ANO2: variants seen among roughly 807,000 people sequenced by gnomAD.
ANO2 encodes anoctamin-2.
In ANO2, 101 loss-of-function variants were observed where a neutral mutation model predicts 124.2. The ratio of observed to expected loss-of-function variants is 0.81; its 90% CI spans 0.69 to 0.96. The LOEUF (loss-of-function observed/expected upper bound fraction) is 0.96. Ranked by LOEUF, ANO2 falls within the 40% of genes least tolerant of loss-of-function variation. The pLI, the probability that ANO2 is intolerant of heterozygous loss-of-function variation, is 0.00. For missense variants in ANO2, 1,293 were observed against 1,274.5 expected (o/e 1.01, Z -0.22); for synonymous variants, 486 against 482.5 (o/e 1.01, Z -0.09).
At chr12:5,933,077 A>G (rs1331153478) in intron 1 of ANO2, among the ~76,000 whole-genome samples, 1 of 152,130 alleles carries the variant, frequency 6.6e-6, no homozygotes, top group East Asian at 1.9e-4. Context: ...AGTCCCCACA[A>G]GGGGCCAGCT....
intron 14 of ANO2, among the ~76,000 whole-genome samples, chr12:5,666,352 A>C (rs1473706103): frequency 6.6e-6 from 1 of 152,112 alleles, no homozygotes; most frequent in African/African-American, 2.4e-5. Context: ...GACAGAAGGG[A>C]AGGAACGAGA....
intron 14 of ANO2, among the ~76,000 whole-genome samples, chr12:5,718,841 G>C (rs1224892330): frequency 2.0e-5 from 3 of 152,130 alleles, no homozygotes; most frequent in Middle Eastern, 3.2e-3. Context: ...TTACTTGCTG[G>C]ACTGCCCTTC....
chr12:5,737,040 A>G (rs1051027568), intron 13 of ANO2, among the ~76,000 whole-genome samples: 1 of 152,160 alleles, frequency 6.6e-6, no homozygotes, highest in African/African-American at 2.4e-5. Flanking sequence ...CAGACACTAC[A>G]CCTGAGATAA....
intron 16 of ANO2, among the ~76,000 whole-genome samples, 156 bp downstream of exon 16, chr12:5,634,996 A>G (rs949874724): frequency 3.1e-4 from 47 of 152,188 alleles, no homozygotes; most frequent in Non-Finnish European, 6.3e-4. Context: ...CAGCCCTACA[A>G]ATACACACAC....
intron 10 of ANO2, among the ~76,000 whole-genome samples, chr12:5,768,381 G>C (rs1951962688): frequency 6.6e-6 from 1 of 152,178 alleles, no homozygotes; most frequent in South Asian, 2.1e-4. Flanking sequence ...GGGAGTGTTT[G>C]TCTTCTCTTC....
chr12:5,758,081 A>G (rs1423162847), intron 10 of ANO2, among the ~76,000 whole-genome samples: 2 of 152,194 alleles, frequency 1.3e-5, no homozygotes, highest in Admixed American at 1.3e-4. Flanking sequence ...ATTCAAATCG[A>G]AAGCCTTAAA....
intron 12 of ANO2, 65 bp from the exon 13 acceptor site, chr12:5,739,464 G>A (rs1313259918): frequency 5.0e-6 from 7 of 1,387,240 alleles, no homozygotes; most frequent in African/African-American, 1.5e-5. Flanking sequence ...GTACCCTTTG[G>A]GCTCACCAGT....
intron 11 of ANO2, among the ~76,000 whole-genome samples, chr12:5,749,346 C>T (rs1951371126): frequency 6.6e-6 from 1 of 152,192 alleles, no homozygotes; most frequent in Non-Finnish European, 1.5e-5. Context: ...TGAATTGGCC[C>T]GGGGCCTCCA....
intron 19 of ANO2, among the ~76,000 whole-genome samples, chr12:5,607,099 A>ATATG (rs1944259533): frequency 6.6e-6 from 1 of 151,728 alleles, no homozygotes; most frequent in Admixed American, 6.6e-5. Flanking sequence ...TTTAAAATGA[A>ATATG]TATGTACCTC....
chr12:5,716,001 T>C (rs1950010374), intron 14 of ANO2, among the ~76,000 whole-genome samples: 1 of 152,212 alleles, frequency 6.6e-6, no homozygotes, highest in South Asian at 2.1e-4. Flanking sequence ...CTTCCTATGT[T>C]CTGAGACTAA....
chr12:5,647,584 G>T, intron 15 of ANO2, 143 bp downstream of exon 15: 1 of 722,812 alleles, frequency 1.4e-6, no homozygotes, highest in Non-Finnish European at 2.4e-6. Flanking sequence ...TATCAGACAA[G>T]ATCCTGCCCC....
intron 17 of ANO2, among the ~76,000 whole-genome samples, 186 bp from the exon 18 acceptor site, chr12:5,613,144 G>C (rs1443957779): frequency 1.3e-5 from 2 of 152,094 alleles, no homozygotes; most frequent in African/African-American, 4.8e-5. Context: ...ATAACACCTG[G>C]GGTTCACTTC....
intron 14 of ANO2, among the ~76,000 whole-genome samples, chr12:5,693,585 T>G (rs1949034775): frequency 6.6e-6 from 1 of 152,140 alleles, no homozygotes; most frequent in South Asian, 2.1e-4. Context: ...GGTCTTCTGC[T>G]CAGAGCCCTG....
At chr12:5,888,462 A>G (rs1370064542) in intron 3 of ANO2, among the ~76,000 whole-genome samples, 1 of 152,154 alleles carries the variant, frequency 6.6e-6, no homozygotes, top group Non-Finnish European at 1.5e-5. Flanking sequence ...CCCCACCCAC[A>G]TCCTGCTGAT....
Position 5,565,639 on chromosome 12 carries a change from T to G in ANO2, c.2646A>C (p.Pro882=). 6.2e-7 allele frequency: 1 copy of G among 1,602,930 alleles called. No homozygotes were observed. Residue 882 remains proline, a synonymous_variant, in exon 24 of 25, where the codon CCA becomes CCC. Coordinates refer to ENST00000682330, the MANE Select transcript of ANO2 (RefSeq NM_001364791.2). ...FCRFKDYREP[P]WAPNPYEFSK... ...AAAACTCATAAGGGTTCGGGGCCCA[T>G]GGCGGCTCTCGGTAATCCTTAAACC...
chr12:5,785,000 CT>C (rs1460676622), intron 10 of ANO2, among the ~76,000 whole-genome samples: 2 of 152,198 alleles, frequency 1.3e-5, no homozygotes, highest in African/African-American at 4.8e-5. Context: ...CAGGGCTGCT[CT>C]TTGTTGGAGT....
At position 5,750,836 on chromosome 12, in the gene ANO2, C is replaced by T. The variant is rs753814699; in HGVS notation, c.1190G>A (p.Ser397Asn). 1 of 1,608,192 alleles carries T rather than the reference C, an allele frequency of 6.2e-7. No individual in the cohort carries two copies. Among genetic ancestry groups the T allele is most frequent in the South Asian group, 1.1e-5 (1 of 89,026 alleles). The change falls in exon 11 of 25, where the codon AGC (serine) becomes AAC (asparagine). Residue 397 changes from serine to asparagine, a missense_variant and splice_region_variant. Coordinates refer to ENST00000682330, the MANE Select transcript of ANO2 (RefSeq NM_001364791.2). ...GCCCTTTTCTTTAAAACTGATTTACCTGGGAATATCTTCTTCAATTGTTGC... is the reference window on the plus strand; with the variant it reads ...GCCCTTTTCTTTAAAACTGATTTACTTGGGAATATCTTCTTCAATTGTTGC... ...GCATIEEDIP[S>N]REMCDQQNAF...
At chr12:5,741,546 T>C (rs866295052) in intron 12 of ANO2, among the ~76,000 whole-genome samples, 1 of 152,002 alleles carries the variant, frequency 6.6e-6, no homozygotes, top group Non-Finnish European at 1.5e-5. Context: ...GTGCCCAGAG[T>C]GCTGACCGAC....
intron 10 of ANO2, among the ~76,000 whole-genome samples, chr12:5,789,123 G>A (rs901325681): frequency 2.6e-5 from 4 of 152,052 alleles, no homozygotes; most frequent in Admixed American, 2.0e-4. Flanking sequence ...TGAACAAAAG[G>A]AGAGGGATAG....
Sources: gnomAD v4.1 joint callset for allele counts (sites outside exome capture counted in the v4.1 genomes callset) on GRCh38, gnomAD v4.1.1 for gene constraint, MANE v1.5 for transcripts, NCBI Gene and HGNC (gene_info 2026-07-23, HGNC 2026-07-21) for gene names.